The following SDCCAG8 variants were observed in gnomAD, a reference collection of about 807,000 sequenced individuals.
SDCCAG8 encodes serologically defined colon cancer antigen 8.
A neutral mutation model predicts 101.8 loss-of-function variants in SDCCAG8; 74 were observed. The observed-to-expected ratio is 0.73, with a 90% CI of 0.60 to 0.88. SDCCAG8 has a LOEUF of 0.88. Among genes scored for constraint, SDCCAG8 ranks in the 40% least tolerant of loss-of-function variants. SDCCAG8 has a pLI of 0.00. For synonymous variants in SDCCAG8, 281 were observed against 292.9 expected, an observed-to-expected ratio of 0.96 and a Z score of 0.41; for missense variants, 787 against 822.6, an observed-to-expected ratio of 0.96 and a Z score of 0.53.
intron 9 of SDCCAG8, among the ~76,000 whole-genome samples, chr1:243,322,921 G>A (rs981558209): frequency 6.6e-6 from 1 of 151,978 alleles, no homozygotes; most frequent in African/African-American, 2.4e-5. Flanking sequence ...CAGATCACGA[G>A]GTCAAGAGAT....
intron 12 of SDCCAG8, among the ~76,000 whole-genome samples, chr1:243,364,641 T>C (rs2076894138): frequency 6.6e-6 from 1 of 152,166 alleles, no homozygotes; most frequent in South Asian, 2.1e-4. Flanking sequence ...TTCTCAGTTG[T>C]TTGAAGTTCA....
rs749233183 is a variant in SDCCAG8, at chr1:243,499,745, AT to A, written c.2113-5del. ...GAGCTATTGAAACTTACTTTTTATT[AT>A]TTTTTCCAGTTACCCAGCATGCCAC... On this transcript the variant is annotated splice_polypyrimidine_tract_variant and intron_variant, in intron 17 of 17. Coordinates refer to ENST00000366541, the MANE Select transcript of SDCCAG8 (RefSeq NM_006642.5). 16 of 1,607,922 alleles carry A rather than the reference AT, an allele frequency of 1.0e-5. No individual in the cohort carries two copies. The highest frequency in any genetic ancestry group is 3.3e-4 in the Middle Eastern group (2 of 6,076).
chr1:243,258,254 G>A (rs958267721), intron 1 of SDCCAG8, among the ~76,000 whole-genome samples: 1 of 151,936 alleles, frequency 6.6e-6, no homozygotes, highest in East Asian at 1.9e-4. Flanking sequence ...AATGTTTATG[G>A]GTTTTTCAGG....
chr1:243,357,001 G>A (rs1050644430), intron 12 of SDCCAG8, among the ~76,000 whole-genome samples: 2 of 149,820 alleles, frequency 1.3e-5, no homozygotes, highest in East Asian at 2.0e-4. Flanking sequence ...TGTCTGAAAA[G>A]TAATAATAAT....
intron 8 of SDCCAG8, among the ~76,000 whole-genome samples, chr1:243,309,499 T>C (rs6429422): frequency 1.3e-5 from 2 of 152,014 alleles, no homozygotes; most frequent in African/African-American, 2.4e-5. Context: ...TCACTCAGGT[T>C]GGGGGTGAGT....
At chr1:243,460,580 A>G (rs921636096) in intron 16 of SDCCAG8, among the ~76,000 whole-genome samples, 3 of 152,250 alleles carry the variant, frequency 2.0e-5, no homozygotes, top group African/African-American at 7.2e-5. Flanking sequence ...CAGAGGACCA[A>G]AAGCCCAATT....
intron 6 of SDCCAG8, among the ~76,000 whole-genome samples, chr1:243,299,572 C>G (rs1461586754): frequency 2.0e-5 from 3 of 152,118 alleles, no homozygotes; most frequent in Non-Finnish European, 4.4e-5. Context: ...TGCCACCACA[C>G]TCGACTAATT....
intron 16 of SDCCAG8, among the ~76,000 whole-genome samples, chr1:243,447,753 T>C (rs1030539457): frequency 2.0e-5 from 3 of 152,214 alleles, no homozygotes; most frequent in African/African-American, 7.2e-5. Flanking sequence ...TCTTCAGAAT[T>C]ATTAACCATT....
Position 243,341,087 on chromosome 1 carries a change from A to T in SDCCAG8, c.1270A>T (p.Lys424Ter). The T allele has an allele frequency of 6.2e-7, 1 of 1,614,076 alleles. No individual in the cohort carries two copies. The highest frequency in any genetic ancestry group is 1.3e-5 in the African/African-American group (1 of 75,072). ...NIAQLEAQVE[K>*]VTKEKISAIN... ...TGCCCAACTGGAGGCCCAGGTGGAA[A>T]AGGTTACAAAGGAAAAGATTTCAGC... The change falls in exon 11 of 18, where the codon AAG becomes TAG. Residue 424 changes from lysine (K) to a stop codon, truncating the protein, a stop_gained. Transcript: ENST00000366541. LOFTEE classifies it high-confidence loss of function.
At chr1:243,459,075 T>C (rs1358089829) in intron 16 of SDCCAG8, among the ~76,000 whole-genome samples, 1 of 152,152 alleles carries the variant, frequency 6.6e-6, no homozygotes, top group East Asian at 1.9e-4. Context: ...TAATCTGAAA[T>C]AAAAGAGTGA....
chr1:243,378,289 T>G (rs990619971), intron 12 of SDCCAG8, among the ~76,000 whole-genome samples: 1 of 152,074 alleles, frequency 6.6e-6, no homozygotes, highest in African/African-American at 2.4e-5. Context: ...TTAATTTGGG[T>G]TTTGAAACAC....
intron 17 of SDCCAG8, among the ~76,000 whole-genome samples, chr1:243,496,321 C>G (rs1478701986): frequency 1.3e-5 from 2 of 152,172 alleles, no homozygotes; most frequent in Admixed American, 6.5e-5. Context: ...GCCCCGGTGC[C>G]CAGAACACGA....
chr1:243,270,015 T>C lies in SDCCAG8; in HGVS notation c.68-90T>C, dbSNP rs1234992082. ...TTCCATAAAGTACGAGAAATAATGA[T>C]TTCACCTTTAAAAACTGCCTTCCTG... On this transcript the variant is annotated intron_variant, in intron 1 of 17. Coordinates refer to ENST00000366541, the MANE Select transcript of SDCCAG8 (RefSeq NM_006642.5). 5.1e-6 allele frequency: 8 copies of C among 1,567,922 alleles called. No individual in the cohort carries two copies. The East Asian group carries it at 1.6e-4, about 31-fold the overall frequency.
At chr1:243,259,929 T>G (rs1310517136) in intron 1 of SDCCAG8, among the ~76,000 whole-genome samples, 1 of 152,266 alleles carries the variant, frequency 6.6e-6, no homozygotes, top group Non-Finnish European at 1.5e-5. Context: ...ATGTGAAAAC[T>G]GAGTCAGCGT....
intron 1 of SDCCAG8, chr1:243,268,036 A>G (rs1308758322): frequency 5.2e-6 from 4 of 775,178 alleles, no homozygotes; most frequent in East Asian, 2.4e-5. Flanking sequence ...GTTTTAATCT[A>G]TCCTTTTCTT....
intron 16 of SDCCAG8, among the ~76,000 whole-genome samples, chr1:243,436,167 CTTTTT>C (rs113227267): frequency 7.3e-6 from 1 of 136,618 alleles, no homozygotes. Flanking sequence ...TGTTTATCAA[CTTTTT>C]TTTTTTTTTT....
At chr1:243,352,888 T>C (rs1166005568) in intron 12 of SDCCAG8, among the ~76,000 whole-genome samples, 2 of 152,238 alleles carry the variant, frequency 1.3e-5, no homozygotes, top group East Asian at 1.9e-4. Context: ...CTCCTTATTC[T>C]TCATAGTGAT....
At chr1:243,389,343 T>C (rs932486376) in intron 13 of SDCCAG8, among the ~76,000 whole-genome samples, 1 of 152,156 alleles carries the variant, frequency 6.6e-6, no homozygotes, top group African/African-American at 2.4e-5. Context: ...AGGGTCTCTT[T>C]GTTGTTTTAC....
intron 10 of SDCCAG8, among the ~76,000 whole-genome samples, chr1:243,334,729 T>C (rs1383837232): frequency 1.3e-5 from 2 of 152,182 alleles, no homozygotes; most frequent in South Asian, 2.1e-4. Flanking sequence ...TAGCTGGGAC[T>C]AGAGAGGTGT....
Sources: gnomAD v4.1 joint callset for allele counts (sites outside exome capture counted in the v4.1 genomes callset) on GRCh38, gnomAD v4.1.1 for gene constraint, MANE v1.5 for transcripts, NCBI Gene and HGNC (gene_info 2026-07-23, HGNC 2026-07-21) for gene names.